The following CATSPER2 variants were observed in gnomAD, a reference collection of about 807,000 sequenced individuals.
CATSPER2 encodes cation channel sperm-associated protein 2.
A neutral mutation model predicts 68.8 loss-of-function variants in CATSPER2; 56 were observed. The ratio of observed to expected loss-of-function variants is 0.81; its 90% CI spans 0.66 to 1.02. CATSPER2 has a LOEUF of 1.02. CATSPER2 is among the 50% of genes least tolerant of loss of function. The pLI is 0.00. For synonymous variants in CATSPER2, 198 were observed against 229.9 expected (o/e 0.86, Z 1.26); for missense variants, 582 against 642.0 (o/e 0.91, Z 1.01).
rs1259481397 is a variant in CATSPER2 at position 43,632,739 on chromosome 15, T to C, written c.1374A>G (p.Glu458=). 1 of 1,613,502 alleles carries C rather than the reference T, an allele frequency of 6.2e-7. No homozygotes were observed. The highest frequency in any genetic ancestry group is 8.5e-7 in the Non-Finnish European group (1 of 1,179,778). The change falls in exon 11 of 13, where the codon GAA becomes GAG. Residue 458 remains glutamate, a synonymous_variant. Transcript: ENST00000396879. ...STSSSYSSSS[E]SRFSESIGRL... Reference sequence around the variant, plus strand: ...CACCAATAGATTCAGAAAATCTGGATTCAGAAGAGGAAGAATAGGAAGAGG... The same window carrying C: ...CACCAATAGATTCAGAAAATCTGGACTCAGAAGAGGAAGAATAGGAAGAGG...
At chr15:43,635,465 AG>A in intron 9 of CATSPER2, 49 bp from the exon 10 acceptor site, 2 of 1,577,938 alleles carry the variant, frequency 1.3e-6, no homozygotes, top group Non-Finnish European at 1.7e-6. Flanking sequence ...TTCAAGCAAA[AG>A]TGTGGTAAGA....
rs550342961 is a variant in CATSPER2 at position 43,647,905 on chromosome 15, T to C, written c.145+12A>G. 8 of 1,613,028 alleles carry C rather than the reference T, an allele frequency of 5.0e-6. No homozygotes were observed. The highest frequency in any genetic ancestry group is 3.3e-5 in the Admixed American group (2 of 59,992). The stretch of plus-strand genomic sequence containing the variant: ...TCTTAAATTTAAATTAGTGAAGAAA[T>C]AGGCTGCTGACCAAGTAACTCCCTG... On this transcript the variant is annotated intron_variant, in intron 2 of 12. Transcript: ENST00000396879.
chr15:43,647,805 T>C, intron 2 of CATSPER2, 112 bp downstream of exon 2: 3 of 1,218,734 alleles, frequency 2.5e-6, no homozygotes, highest in Non-Finnish European at 3.6e-6. Context: ...GCCCTTGATT[T>C]ATCAAGTTTG....
intron 12 of CATSPER2, 115 bp downstream of exon 12, chr15:43,632,084 T>G (rs1595969721): frequency 8.5e-7 from 1 of 1,178,614 alleles, no homozygotes; most frequent in East Asian, 2.4e-5. Flanking sequence ...ATTTTAGTTG[T>G]AGGCAGAAAT....
chr15:43,631,072 A>G (rs540463631), intron 12 of CATSPER2, among the ~76,000 whole-genome samples: 50 of 152,122 alleles, frequency 3.3e-4, no homozygotes, highest in Admixed American at 6.5e-4. Context: ...TCCATGTTCC[A>G]ATATTATAAA....
rs777921939 is a variant in CATSPER2, at chr15:43,632,335, G to A, written c.1425C>T (p.His475=). 2.3e-5 allele frequency: 37 copies of A among 1,613,492 alleles called. 2 individuals are homozygous for A. Among genetic ancestry groups the A allele is most frequent in the East Asian group, 1.6e-4 (7 of 44,866 alleles). ...TTTCCATTAGCCCGGGCAGATTTTCGTGCACAAGAGTCTCCCAGTCCAAAC... is the reference window on the plus strand; with the variant it reads ...TTTCCATTAGCCCGGGCAGATTTTCATGCACAAGAGTCTCCCAGTCCAAAC... The part of the protein sequence containing the change: ...IGRLDWETLV[H]ENLPGLMEMD... Residue 475 remains histidine, a synonymous_variant, in exon 12 of 13, where the codon CAC becomes CAT. Coordinates refer to ENST00000396879, the MANE Select transcript of CATSPER2 (RefSeq NM_172095.4).
chr15:43,633,532 C>G (rs2085912191), intron 10 of CATSPER2: 1 of 160,198 alleles, frequency 6.2e-6, no homozygotes, highest in Admixed American at 5.8e-5. Context: ...TGCACCGTTT[C>G]ATCTGCCTAT....
In CATSPER2 at chr15:43,635,804, C is replaced by G. The variant is rs754225338; in HGVS notation, c.1044G>C (p.Arg348Ser). The change falls in exon 9 of 13, where the codon AGG becomes AGC. Residue 348 changes from arginine (R) to serine (S), a missense_variant. Physicochemically the swap from Arg to Ser is moderately radical, Grantham distance 110 (BLOSUM62 -1). Transcript: ENST00000396879. ...GCGCCATCTCCTCATTCAGCTCTTT[C>G]CTGATATTCTGAAAGTTAGTAACTG... ...AMMVTNFQNI[R>S]KELNEEMARR... is the part of the protein sequence containing the mutation. 6.2e-7 allele frequency: 1 copy of G among 1,613,436 alleles called. No individual in the cohort carries two copies. The highest frequency in any genetic ancestry group is 1.7e-5 in the Admixed American group (1 of 59,976).
chr15:43,641,150 CTT>C (rs1228519399), intron 4 of CATSPER2, among the ~76,000 whole-genome samples: 1 of 148,218 alleles, frequency 6.7e-6, no homozygotes, highest in Non-Finnish European at 1.5e-5. Context: ...GAGTTTCGCT[CTT>C]GTTGCCCAGG....
At position 43,646,996 on chromosome 15, in the gene CATSPER2, T is replaced by C. The variant is rs1427237458; in HGVS notation, c.388+54A>G. 5.2e-5 allele frequency: 77 copies of C among 1,478,592 alleles called. 1 individual carries two copies. Among genetic ancestry groups the C allele is most frequent in the Non-Finnish European group, 6.4e-5 (68 of 1,056,880 alleles). 91.6% of individuals were successfully genotyped at this position (1,478,592 alleles called of 1,614,324 possible). On this transcript the variant is annotated intron_variant, in intron 4 of 12. Coordinates refer to ENST00000396879, the MANE Select transcript of CATSPER2 (RefSeq NM_172095.4). ...CCTCCCAAAGTGCTAGGATTACACG[T>C]GTGAGCCGGCGTGCCCGGCCTCACT...
chr15:43,630,395 C>T lies in CATSPER2; in HGVS notation c.*306G>A. 2.4e-6 allele frequency: 1 copy of T among 420,376 alleles called. No homozygotes were observed. The allele number at this position is 420,376 out of a possible 1,614,324, so 26.0% of individuals were successfully genotyped here. A position where few individuals can be genotyped will look rare whatever the true frequency, so the allele number is the denominator to read the frequency against. Reference sequence around the variant, plus strand: ...ACTTATACAGAGTCTCACTCTGTTGCCCAGGCTGGAGTGCAGTGGTGCAAT... The same window carrying T: ...ACTTATACAGAGTCTCACTCTGTTGTCCAGGCTGGAGTGCAGTGGTGCAAT... On this transcript the variant is annotated 3_prime_UTR_variant, in exon 13 of 13. Coordinates refer to ENST00000396879, the MANE Select transcript of CATSPER2 (RefSeq NM_172095.4).
At chr15:43,635,073 T>C (rs997633645) in intron 10 of CATSPER2, 8 of 469,964 alleles carry the variant, frequency 1.7e-5, no homozygotes, top group African/African-American at 1.2e-4. Flanking sequence ...TCTTTCATCT[T>C]TTATAAGGAC....
At chr15:43,641,269 A>G (rs960158301) in intron 4 of CATSPER2, among the ~76,000 whole-genome samples, 4 of 151,440 alleles carry the variant, frequency 2.6e-5, no homozygotes, top group Admixed American at 1.3e-4. Flanking sequence ...GGCATGCACC[A>G]CCACACCCGG....
intron 7 of CATSPER2, among the ~76,000 whole-genome samples, chr15:43,638,286 C>CTTTCTTTTTTTTTTTTTTTTTTT (rs1354288133): frequency 2.7e-4 from 22 of 81,834 alleles, no homozygotes; most frequent in African/African-American, 1.3e-3. Context: ...TTCTTTCTTT[C>CTTTCTTTTTTTTTTTTTTTTTTT]TTTTTTTTTT....
In CATSPER2 at chr15:43,648,006, C is replaced by T. The variant is rs371412947; in HGVS notation, c.56G>A (p.Arg19His). 25 of 1,613,518 alleles carry T rather than the reference C, an allele frequency of 1.5e-5. No homozygotes were observed. Among genetic ancestry groups the T allele is most frequent in the Non-Finnish European group, 1.8e-5 (21 of 1,179,754 alleles). Reference protein sequence around the residue: ...QMQLPRADAIRSRLIDTFSLI... With the variant: ...QMQLPRADAIHSRLIDTFSLI... Reference sequence around the variant, plus strand: ...AGAGAAAGTATCGATGAGACGTGAACGAATGGCATCAGCTCGGGGAAGCTG... The same window carrying T: ...AGAGAAAGTATCGATGAGACGTGAATGAATGGCATCAGCTCGGGGAAGCTG... Residue 19 changes from arginine (R) to histidine (H), a missense_variant, in exon 2 of 13, where the codon CGT (arginine) becomes CAT (histidine). Physicochemically the swap from Arg to His is conservative, Grantham distance 29. This residue lies in a region of CATSPER2 where 197 missense variants were observed against 191.0 expected (regional missense o/e 1.03). Transcript: ENST00000396879.
At position 43,647,095 on chromosome 15, in the gene CATSPER2, T is replaced by C. The variant is rs1296296574; in HGVS notation, c.343A>G (p.Ile115Val). 7 of 1,613,010 alleles carry C rather than the reference T, an allele frequency of 4.3e-6. No homozygotes were observed. The highest frequency in any genetic ancestry group is 1.7e-5 in the Admixed American group (1 of 59,996). ...LECPLFKNFI[I>V]FLVFLNTIIL... is the part of the protein sequence containing the mutation. ...ATCGTATTCAAAAAGACCAGGAAGATGATGAAGTTTTTGAAGAGAGGACCT... is the reference window on the plus strand; with the variant it reads ...ATCGTATTCAAAAAGACCAGGAAGACGATGAAGTTTTTGAAGAGAGGACCT... The change falls in exon 4 of 13, where the codon ATC (isoleucine) becomes GTC (valine). Residue 115 changes from isoleucine to valine, a missense_variant. By Grantham distance (29) the Ile-to-Val change is conservative. Coordinates refer to ENST00000396879, the MANE Select transcript of CATSPER2 (RefSeq NM_172095.4).
At chr15:43,630,793 T>C (rs2085857942) in intron 12 of CATSPER2, 61 bp from the exon 13 acceptor site, 2 of 1,611,440 alleles carry the variant, frequency 1.2e-6, no homozygotes, top group Non-Finnish European at 1.7e-6. Flanking sequence ...TATAAATGTT[T>C]GGTGAAGACC....
intron 1 of CATSPER2, 91 bp downstream of exon 1, chr15:43,648,538 T>G: frequency 1.6e-6 from 2 of 1,239,586 alleles, no homozygotes; most frequent in Non-Finnish European, 2.1e-6. Flanking sequence ...GCCTGACATT[T>G]TGAAAATGGG....
At chr15:43,632,144 C>T in intron 12 of CATSPER2, 55 bp downstream of exon 12, 1 of 1,574,980 alleles carries the variant, frequency 6.3e-7, no homozygotes, top group Non-Finnish European at 8.7e-7. Context: ...TTCTCCACAG[C>T]TATAAACGCT....
Sources: gnomAD v4.1 joint callset for allele counts (sites outside exome capture counted in the v4.1 genomes callset) on GRCh38, gnomAD v4.1.1 for gene constraint, gnomAD v4.1.1 regional missense constraint, MANE v1.5 for transcripts, NCBI Gene and HGNC (gene_info 2026-07-23, HGNC 2026-07-21) for gene names.